SPECC1L: variants seen among roughly 807,000 people sequenced by gnomAD.
SPECC1L encodes the protein cytospin-A.
Under a neutral mutation model 116.8 loss-of-function variants are expected in SPECC1L, and 40 were observed. That is an observed-to-expected ratio of 0.34 (90% CI 0.27 to 0.45). The LOEUF (loss-of-function observed/expected upper bound fraction) is 0.45. Among genes scored for constraint, SPECC1L ranks in the 20% least tolerant of loss-of-function variants. The pLI, the probability that SPECC1L is intolerant of heterozygous loss-of-function variation, is 1.00. For missense variants in SPECC1L, 1,110 were observed against 1,373.6 expected, an observed-to-expected ratio of 0.81 and a Z score of 3.03; for synonymous variants, 504 against 500.6, an observed-to-expected ratio of 1.01 and a Z score of -0.09.
At chr22:24,307,639 G>A (rs906205940) in intron 3 of SPECC1L, among the ~76,000 whole-genome samples, 1 of 152,040 alleles carries the variant, frequency 6.6e-6, no homozygotes, top group African/African-American at 2.4e-5. Flanking sequence ...ACGTGTATGT[G>A]TATGTGTTTT....
chr22:24,313,603 A>G (rs1601537034), intron 4 of SPECC1L, 137 bp downstream of exon 4: 7 of 977,810 alleles, frequency 7.2e-6, no homozygotes, highest in South Asian at 2.8e-5. Context: ...TTTCAGCCCA[A>G]TACGCTCATC....
chr22:24,401,041 G>A (rs2146777686), intron 14 of SPECC1L, among the ~76,000 whole-genome samples: 1 of 152,206 alleles, frequency 6.6e-6, no homozygotes, highest in Admixed American at 6.5e-5. Flanking sequence ...TCAGCATAGG[G>A]CACTGTCCCC....
intron 2 of SPECC1L, among the ~76,000 whole-genome samples, chr22:24,282,883 T>G (rs1414209619): frequency 1.3e-5 from 2 of 151,600 alleles, no homozygotes; most frequent in Non-Finnish European, 2.9e-5. Context: ...GTGCAAGCAA[T>G]TCTCCTGCCG....
chr22:24,361,829 CGA>C (rs550884934), intron 11 of SPECC1L, among the ~76,000 whole-genome samples: 19 of 137,876 alleles, frequency 1.4e-4, no homozygotes, highest in Non-Finnish European at 2.5e-4. Flanking sequence ...AAACAAAAAA[CGA>C]GAGAGAGAGA....
At chr22:24,381,070 G>A (rs1163334239) in intron 14 of SPECC1L, among the ~76,000 whole-genome samples, 4 of 152,216 alleles carry the variant, frequency 2.6e-5, no homozygotes, top group Admixed American at 2.0e-4. Context: ...GATGGTACAA[G>A]GTTGATAATA....
At chr22:24,377,337 T>C (rs952353061) in intron 14 of SPECC1L, among the ~76,000 whole-genome samples, 4 of 152,188 alleles carry the variant, frequency 2.6e-5, no homozygotes, top group Admixed American at 1.3e-4. Flanking sequence ...ACATGAGGTC[T>C]CACTATGTTT....
At chr22:24,353,280 C>G (rs147284725) in intron 11 of SPECC1L, among the ~76,000 whole-genome samples, 15 of 152,228 alleles carry the variant, frequency 9.9e-5, no homozygotes, top group African/African-American at 3.6e-4. Context: ...TCTTTAGTCC[C>G]CACCAGTCTG....
Position 24,334,486 on chromosome 22 carries a change from A to G in SPECC1L, c.2473A>G (p.Met825Val). Residue 825 changes from methionine to valine, a missense_variant, in exon 9 of 17, where the codon ATG (methionine) becomes GTG (valine). By Grantham distance (21) the Met-to-Val change is conservative (BLOSUM62 1). Transcript: ENST00000314328. ...ERDLAALRQGMGLSRRSSTSS... is the reference protein window; with the variant it reads ...ERDLAALRQGVGLSRRSSTSS... ...AGATTTGGCAGCCTTAAGGCAGGGA[A>G]TGGGACTGAGTAGAAGGTCCTCGAC... 2 of 1,614,178 alleles carry G rather than the reference A, an allele frequency of 1.2e-6. No individual in the cohort carries two copies. Among genetic ancestry groups the G allele is most frequent in the Non-Finnish European group, 1.7e-6 (2 of 1,180,022 alleles).
At chr22:24,332,832 C>T (rs767399968) in intron 8 of SPECC1L, among the ~76,000 whole-genome samples, 13 of 151,986 alleles carry the variant, frequency 8.6e-5, no homozygotes, top group Non-Finnish European at 1.6e-4. Context: ...TGGAAGACAG[C>T]TCTTATAAAC....
chr22:24,361,673 G>A lies in SPECC1L; in HGVS notation c.2744-1588G>A, dbSNP rs184735720. ...TAGTCAGGTGTGGTGGCTCACACCT[G>A]TAGTCCCAGGTACTTGGGAGGCTGA... On this transcript the variant is annotated intron_variant, in intron 11 of 16. Transcript: ENST00000314328. 7.4e-3 allele frequency among the ~76,000 whole-genome samples: 1,122 copies of A among 152,086 alleles called. 6 individuals are homozygous for A. Among genetic ancestry groups the A allele is most frequent in the South Asian group, 0.013 (61 of 4,820 alleles).
In SPECC1L at chr22:24,301,346, T is replaced by C. The variant is rs1381490781; in HGVS notation, c.-37-849T>C. On this transcript the variant is annotated intron_variant, in intron 2 of 16. Coordinates refer to ENST00000314328, the MANE Select transcript of SPECC1L (RefSeq NM_015330.6). The stretch of plus-strand genomic sequence containing the variant: ...TCAAAAGAAGACATTTACGTGGTCT[T>C]CTTTTATTTGGTACAGATGCTCCTT... 2.6e-5 allele frequency among the ~76,000 whole-genome samples: 4 copies of C among 152,156 alleles called. No individual in the cohort carries two copies. The East Asian group carries it at 7.7e-4, about 29-fold the overall frequency.
At chr22:24,334,675 C>G in intron 9 of SPECC1L, 102 bp downstream of exon 9, 1 of 1,304,086 alleles carries the variant, frequency 7.7e-7, no homozygotes, top group Non-Finnish European at 1.1e-6. Flanking sequence ...TACTCTTAGT[C>G]CCATTAACTT....
At chr22:24,353,387 C>T (rs1322828587) in intron 11 of SPECC1L, among the ~76,000 whole-genome samples, 4 of 152,108 alleles carry the variant, frequency 2.6e-5, no homozygotes, top group Non-Finnish European at 4.4e-5. Flanking sequence ...ATGGGCTTGT[C>T]TGATATTTTC....
chr22:24,382,151 T>C (rs2042074280), intron 14 of SPECC1L, among the ~76,000 whole-genome samples: 1 of 152,178 alleles, frequency 6.6e-6, no homozygotes, highest in Non-Finnish European at 1.5e-5. Flanking sequence ...TTGAAGGCAT[T>C]GGGGACTAAC....
intron 8 of SPECC1L, among the ~76,000 whole-genome samples, chr22:24,332,059 A>C (rs2040949597): frequency 6.6e-6 from 1 of 152,304 alleles, no homozygotes; most frequent in African/African-American, 2.4e-5. Flanking sequence ...TTTTCATGGA[A>C]TGCCATTTTT....
In SPECC1L at chr22:24,276,750, A is replaced by G. The variant is rs62233066; in HGVS notation, c.-91A>G. 0.039 allele frequency: 17,654 copies of G among 453,658 alleles called. 881 individuals carry two copies. Among genetic ancestry groups the G allele is most frequent in the South Asian group, 0.11 (7,133 of 64,370 alleles). The allele number at this position is 453,658 out of a possible 1,614,324, so 28.1% of individuals were successfully genotyped here. A position where few individuals can be genotyped will look rare whatever the true frequency, so the allele number is the denominator to read the frequency against. On this transcript the variant is annotated 5_prime_UTR_variant, in exon 2 of 17. Transcript: ENST00000314328. ...GCCATTTTCCAGTGGCACCTCTTCC[A>G]TCATGAGTTCCTGAGGCAGTCCGAT... is the stretch of plus-strand genomic sequence containing the variant.
chr22:24,351,132 G>A (rs916950529), intron 11 of SPECC1L, among the ~76,000 whole-genome samples: 3 of 152,126 alleles, frequency 2.0e-5, no homozygotes, highest in Admixed American at 6.5e-5. Context: ...GTTAGAGCAG[G>A]GCGAGGTTTA....
Position 24,334,420 on chromosome 22 carries a change from G to T in SPECC1L, c.2407G>T (p.Glu803Ter). The change falls in exon 9 of 17, where the codon GAG (glutamate) becomes TAG (stop). Residue 803 changes from glutamate to a stop codon, truncating the protein, a stop_gained. Coordinates refer to ENST00000314328, the MANE Select transcript of SPECC1L (RefSeq NM_015330.6). LOFTEE classifies it high-confidence loss of function. ...CAATATTATTTTCAGGCAAGAGGAG[G>T]AGCGAGGCCGGGTATACAATTACAT... ...EEIKSRKQEE[E>*]RGRVYNYMNA... 1 of 1,614,128 alleles carries T rather than the reference G, an allele frequency of 6.2e-7. No homozygotes were observed.
Position 24,328,786 on chromosome 22 carries a change from G to T in SPECC1L, c.2147-60G>T. On this transcript the variant is annotated intron_variant, in intron 6 of 16. Coordinates refer to ENST00000314328, the MANE Select transcript of SPECC1L (RefSeq NM_015330.6). Reference sequence around the variant, plus strand: ...TCATATTTAAGTATCCCTTTTCTTTGTATTATTACTCTGAAGATTGTTGTG... The same window carrying T: ...TCATATTTAAGTATCCCTTTTCTTTTTATTATTACTCTGAAGATTGTTGTG... 3.0e-6 allele frequency: 4 copies of T among 1,339,902 alleles called. No homozygotes were observed. In the South Asian group the frequency reaches 3.6e-5, roughly 12 times the overall value. The allele number at this position is 1,339,902 out of a possible 1,614,324, so 83.0% of individuals were successfully genotyped here.
Sources: allele counts gnomAD v4.1 joint callset (sites outside exome capture counted in the v4.1 genomes callset), GRCh38; gene constraint gnomAD v4.1.1; transcripts MANE v1.5; gene names NCBI Gene and HGNC (gene_info 2026-07-23, HGNC 2026-07-21).